Variants in PCNT observed in about 807,000 individuals in gnomAD.
PCNT encodes pericentrin.
In PCNT, 319 loss-of-function variants were observed where a neutral mutation model predicts 380.4. The observed-to-expected ratio is 0.84, with a 90% CI of 0.77 to 0.92. The LOEUF (loss-of-function observed/expected upper bound fraction) is 0.92, where lower values mean the gene tolerates loss of function less well. Among genes scored for constraint, PCNT ranks in the 40% least tolerant of loss-of-function variants. PCNT has a pLI of 0.00. For missense variants in PCNT, 4,400 were observed against 4,255.3 expected (o/e 1.03, Z -0.95); for synonymous variants, 1,845 against 1,735.2 (o/e 1.06, Z -1.57).
Position 46,382,592 on chromosome 21 carries a change from G to A in PCNT, c.3312+752G>A, listed in dbSNP as rs567356637. On this transcript the variant is annotated intron_variant, in intron 16 of 46. Coordinates refer to ENST00000359568, the MANE Select transcript of PCNT (RefSeq NM_006031.6). The stretch of plus-strand genomic sequence containing the variant: ...GTGTTGTATATTCAGTGGCGGAAGC[G>A]CATTCACGGTGTTGTGCATTCAGTG... 1.4e-4 allele frequency among the ~76,000 whole-genome samples: 19 copies of A among 138,474 alleles called. 1 individual carries two copies. The highest frequency in any genetic ancestry group is 9.2e-4 in the East Asian group (4 of 4,328). The allele number at this position is 138,474 out of a possible 152,430, so 90.8% of individuals were successfully genotyped here.
chr21:46,360,213 ATTTTTTT>A (rs71318070), intron 13 of PCNT, among the ~76,000 whole-genome samples: 9 of 82,474 alleles, frequency 1.1e-4, no homozygotes, highest in African/African-American at 2.0e-4. Flanking sequence ...ATAGTTGGCA[ATTTTTTT>A]TTTTTTTTTT....
At chr21:46,434,388 C>G (rs1386605707) in intron 38 of PCNT, among the ~76,000 whole-genome samples, 5 of 152,334 alleles carry the variant, frequency 3.3e-5, no homozygotes. Flanking sequence ...TGTGGGTCCT[C>G]TGGGCTGGGA....
At chr21:46,377,153 G>T (rs1711785253) in intron 15 of PCNT, among the ~76,000 whole-genome samples, 1 of 152,184 alleles carries the variant, frequency 6.6e-6, no homozygotes, top group Non-Finnish European at 1.5e-5. Flanking sequence ...TGAAACTGTT[G>T]CCCCAGTTAC....
At chr21:46,366,510 C>T (rs890423258) in intron 14 of PCNT, 74 bp from the exon 15 acceptor site, 1 of 1,267,366 alleles carries the variant, frequency 7.9e-7, no homozygotes, top group Non-Finnish European at 1.2e-6. Flanking sequence ...CTGTGGGAAA[C>T]TGACTTGGCT....
intron 15 of PCNT, among the ~76,000 whole-genome samples, chr21:46,375,606 G>A (rs765037222): frequency 2.0e-4 from 27 of 133,992 alleles, no homozygotes; most frequent in Non-Finnish European, 4.2e-4. Context: ...CCTTTGAGCC[G>A]GCCCGGTCAG....
intron 41 of PCNT, 51 bp downstream of exon 41, chr21:46,438,388 C>T: frequency 1.3e-6 from 2 of 1,552,508 alleles, no homozygotes; most frequent in Non-Finnish European, 1.8e-6. Context: ...CCACCATGGT[C>T]CAGAGCAGCT....
chr21:46,365,337 A>ATGGGGTTCTATTCACTGCCG lies in PCNT; in HGVS notation c.2610-1237_2610-1218dup, dbSNP rs1569204248. 4.2e-4 allele frequency among the ~76,000 whole-genome samples: 33 copies of ATGGGGTTCTATTCACTGCCG among 78,132 alleles called. 1 individual carries two copies. The highest frequency in any genetic ancestry group is 2.0e-3 in the South Asian group (4 of 1,990). The allele number at this position is 78,132 out of a possible 152,430, so 51.3% of individuals were successfully genotyped here. ...CTGCCATGGGGTTCTATTCACTGCC[A>ATGGGGTTCTATTCACTGCCG]TGGGGTTCTATTCACTGCCGTGGGG... On this transcript the variant is annotated intron_variant, in intron 14 of 46. Transcript: ENST00000359568.
intron 8 of PCNT, 146 bp from the exon 9 acceptor site, chr21:46,351,283 G>A: frequency 2.8e-6 from 2 of 705,392 alleles, no homozygotes; most frequent in East Asian, 2.7e-5. Flanking sequence ...GGTCTCTGCT[G>A]TGGCTGGCTT....
chr21:46,383,392 CGGAA>C (rs1429809092), intron 16 of PCNT, among the ~76,000 whole-genome samples: 1 of 140,962 alleles, frequency 7.1e-6, no homozygotes, highest in Admixed American at 7.3e-5. Context: ...TATTCAGTGA[CGGAA>C]GCGCATTCAC....
At chr21:46,374,283 G>T (rs1437890128) in intron 15 of PCNT, among the ~76,000 whole-genome samples, 1 of 152,090 alleles carries the variant, frequency 6.6e-6, no homozygotes, top group Non-Finnish European at 1.5e-5. Flanking sequence ...TGCGAGTGAG[G>T]TGTTTTCCCC....
intron 2 of PCNT, among the ~76,000 whole-genome samples, chr21:46,327,732 A>T (rs866606670): frequency 6.6e-6 from 1 of 152,218 alleles, no homozygotes; most frequent in Non-Finnish European, 1.5e-5. Flanking sequence ...ATTCCTTCAC[A>T]TAGTTGTAAA....
chr21:46,362,313 A>G (rs2146834193), intron 13 of PCNT, among the ~76,000 whole-genome samples: 1 of 152,302 alleles, frequency 6.6e-6, no homozygotes, highest in South Asian at 2.1e-4. Context: ...TGTGTGGGGC[A>G]TGGACAGATA....
chr21:46,332,707 T>G (rs974247165), intron 2 of PCNT, among the ~76,000 whole-genome samples: 2 of 152,252 alleles, frequency 1.3e-5, no homozygotes. Context: ...GGGTGCTCTC[T>G]CTCTGCATTC....
At chr21:46,409,412 C>T (rs1380481821) in intron 27 of PCNT, among the ~76,000 whole-genome samples, 3 of 151,906 alleles carry the variant, frequency 2.0e-5, no homozygotes, top group Admixed American at 6.6e-5. Context: ...TGGTCTCGAA[C>T]GCCTAACTCA....
chr21:46,387,674 C>T (rs900537352), intron 17 of PCNT, among the ~76,000 whole-genome samples: 7 of 152,124 alleles, frequency 4.6e-5, no homozygotes, highest in African/African-American at 7.2e-5. Context: ...TCTTCGGTTT[C>T]GCGGGGCCTG....
In PCNT at chr21:46,430,736, T is replaced by C. The variant is rs188976954; in HGVS notation, c.8064+79T>C. On this transcript the variant is annotated intron_variant, in intron 37 of 46. Transcript: ENST00000359568. The stretch of plus-strand genomic sequence containing the variant: ...TGAAGCCATGCTCCTCTTTCATCCT[T>C]CTTTTCCTGTTCTTCATGGCAGTGC... The C allele has an allele frequency of 1.4e-4, 214 of 1,540,116 alleles. No individual in the cohort carries two copies. In the African/African-American group the frequency reaches 2.6e-3, roughly 18 times the overall value.
intron 1 of PCNT, among the ~76,000 whole-genome samples, chr21:46,325,929 T>TCTATGCTATTCCATAG (rs1292761500): frequency 8.5e-5 from 13 of 152,342 alleles, no homozygotes; most frequent in African/African-American, 2.4e-4. Context: ...GCTATTTCTG[T>TCTATGCTATTCCATAG]ATCTTGTCTC....
At chr21:46,342,064 C>T (rs181716501) in intron 3 of PCNT, among the ~76,000 whole-genome samples, 3 of 151,872 alleles carry the variant, frequency 2.0e-5, no homozygotes, top group Non-Finnish European at 4.4e-5. Flanking sequence ...GCCTCAGCCT[C>T]CTGAGGAGCT....
chr21:46,339,326 C>T (rs1003074898), intron 3 of PCNT, among the ~76,000 whole-genome samples: 4 of 152,164 alleles, frequency 2.6e-5, no homozygotes, highest in Non-Finnish European at 2.9e-5. Context: ...TGTTCACTGC[C>T]GTGGCCACCC....
Sources: allele counts gnomAD v4.1 joint callset (sites outside exome capture counted in the v4.1 genomes callset), GRCh38; gene constraint gnomAD v4.1.1; transcripts MANE v1.5; gene names NCBI Gene and HGNC (gene_info 2026-07-23, HGNC 2026-07-21).